Variants in UVRAG observed in about 807,000 individuals in gnomAD.
UVRAG encodes UV radiation resistance associated.
UVRAG carries 19 observed loss-of-function variants against 78.0 expected under a neutral mutation model. The ratio of observed to expected loss-of-function variants is 0.24; its 90% CI spans 0.17 to 0.36. The LOEUF is 0.36. Among genes scored for constraint, UVRAG ranks in the 10% least tolerant of loss-of-function variants. UVRAG has a pLI of 1.00. For missense variants in UVRAG, 740 were observed against 853.8 expected (o/e 0.87, Z 1.66); for synonymous variants, 323 against 324.6 (o/e 1.00, Z 0.05).
chr11:76,048,964 A>C (rs1950813129), intron 12 of UVRAG, among the ~76,000 whole-genome samples: 2 of 152,272 alleles, frequency 1.3e-5, no homozygotes, highest in African/African-American at 4.8e-5. Flanking sequence ...CGAGGTAAAC[A>C]GCCCACATGA....
At chr11:75,823,621 G>A (rs909139923) in intron 1 of UVRAG, among the ~76,000 whole-genome samples, 3 of 152,180 alleles carry the variant, frequency 2.0e-5, no homozygotes, top group South Asian at 2.1e-4. Flanking sequence ...AGGCATGAGC[G>A]ACTGCACTGG....
At chr11:75,984,698 C>T (rs1017025066) in intron 8 of UVRAG, among the ~76,000 whole-genome samples, 1 of 152,178 alleles carries the variant, frequency 6.6e-6, no homozygotes, top group Non-Finnish European at 1.5e-5. Context: ...AAGACTCAAA[C>T]CGGATTGGTT....
chr11:75,980,652 T>G (rs1024119107), intron 7 of UVRAG, among the ~76,000 whole-genome samples: 2 of 152,070 alleles, frequency 1.3e-5, no homozygotes, highest in African/African-American at 4.8e-5. Context: ...TTTTGCCTTT[T>G]CTCTTTTTTC....
intron 6 of UVRAG, among the ~76,000 whole-genome samples, chr11:75,946,193 C>T (rs1422193390): frequency 1.3e-5 from 2 of 152,062 alleles, no homozygotes; most frequent in African/African-American, 4.8e-5. Flanking sequence ...AATGTTTTTT[C>T]TCTTAACACT....
At chr11:75,972,736 C>G (rs1949149854) in intron 7 of UVRAG, among the ~76,000 whole-genome samples, 1 of 152,176 alleles carries the variant, frequency 6.6e-6, no homozygotes, top group African/African-American at 2.4e-5. Context: ...GTTGTATATT[C>G]TGGGTCTTTT....
At chr11:75,854,535 G>C (rs982418015) in intron 2 of UVRAG, among the ~76,000 whole-genome samples, 5 of 152,082 alleles carry the variant, frequency 3.3e-5, no homozygotes, top group Non-Finnish European at 5.9e-5. Flanking sequence ...TCCTGCCTCA[G>C]CCTCCCAAGA....
intron 13 of UVRAG, among the ~76,000 whole-genome samples, chr11:76,104,055 G>A (rs922354999): frequency 2.0e-5 from 3 of 152,018 alleles, no homozygotes; most frequent in Admixed American, 6.6e-5. Flanking sequence ...TATTTAGACT[G>A]TGCGCTGCAG....
At position 76,127,420 on chromosome 11, in the gene UVRAG, G is replaced by A. The variant is rs529449215; in HGVS notation, c.1397+11405G>A. ...TGTAATCCCAGCACTTTGGGAGGCC[G>A]AGGTGGGTGGATCACCTGAGGTCAG... On this transcript the variant is annotated intron_variant, in intron 14 of 14. Transcript: ENST00000356136. Among the ~76,000 whole-genome samples the A allele has an allele frequency of 1.8e-3, 268 of 151,502 alleles. 2 individuals carry two copies. Among genetic ancestry groups the A allele is most frequent in the Middle Eastern group, 6.8e-3 (2 of 294 alleles).
At chr11:75,822,667 T>G (rs1429624356) in intron 1 of UVRAG, among the ~76,000 whole-genome samples, 2 of 149,560 alleles carry the variant, frequency 1.3e-5, no homozygotes, top group Non-Finnish European at 2.9e-5. Context: ...CTTACTGTTT[T>G]TTTTTTTTTT....
intron 12 of UVRAG, among the ~76,000 whole-genome samples, chr11:76,024,499 T>C (rs546629823): frequency 1.6e-3 from 248 of 152,336 alleles, no homozygotes; most frequent in South Asian, 2.5e-3. Context: ...TTGATTTTGA[T>C]ATATACATTT....
At position 76,141,123 on chromosome 11, in the gene UVRAG, G is replaced by A. The variant is rs372890913; in HGVS notation, c.1810G>A (p.Glu604Lys). 1.1e-5 allele frequency: 17 copies of A among 1,614,024 alleles called. No homozygotes were observed. Among genetic ancestry groups the A allele is most frequent in the African/African-American group, 4.0e-5 (3 of 74,934 alleles). Residue 604 changes from glutamate to lysine, a missense_variant, in exon 15 of 15, where the codon GAG becomes AAG. Coordinates refer to ENST00000356136, the MANE Select transcript of UVRAG (RefSeq NM_003369.4). ...AGTCAATGGCACTCTCCTACCCAGC[G>A]AGCAGGCCGGGTCCGCCAGTGTCCA... is the stretch of plus-strand genomic sequence containing the variant. ...ATVNGTLLPS[E>K]QAGSASVQLP...
At chr11:75,965,612 G>A (rs1304148525) in intron 7 of UVRAG, among the ~76,000 whole-genome samples, 1 of 152,228 alleles carries the variant, frequency 6.6e-6, no homozygotes, top group Non-Finnish European at 1.5e-5. Context: ...ACCGCGCCCG[G>A]CAGATGTTGG....
intron 13 of UVRAG, among the ~76,000 whole-genome samples, chr11:76,093,004 A>C (rs1951730144): frequency 6.6e-6 from 1 of 152,164 alleles, no homozygotes; most frequent in African/African-American, 2.4e-5. Context: ...TCTTGAATTA[A>C]TTTTTGTATA....
chr11:75,878,853 AAGAGAG>A (rs372988334), intron 3 of UVRAG, among the ~76,000 whole-genome samples: 1 of 140,272 alleles, frequency 7.1e-6, no homozygotes, highest in Non-Finnish European at 1.5e-5. Context: ...AGACCATGGA[AAGAGAG>A]AGAGAGAGAG....
rs1360807811 is a variant in UVRAG at position 76,064,570 on chromosome 11, GAATA to G, written c.1227-1135_1227-1132del. On this transcript the variant is annotated intron_variant, in intron 12 of 14. Transcript: ENST00000356136. ...AAGCATTTGGTGTTCCTTTAGTAGA[GAATA>G]AATACAGTTCAGGACCTTGCTCAGT... Among the ~76,000 whole-genome samples the G allele has an allele frequency of 8.5e-5, 13 of 152,204 alleles. No homozygotes were observed. The East Asian group carries it at 1.7e-3, about 20-fold the overall frequency.
chr11:76,087,214 G>T (rs1326967998), intron 13 of UVRAG, among the ~76,000 whole-genome samples: 1 of 152,234 alleles, frequency 6.6e-6, no homozygotes, highest in Non-Finnish European at 1.5e-5. Flanking sequence ...AGGAATGCCA[G>T]TGAGAAAGTC....
rs1949716693 is a variant in UVRAG at position 75,996,829 on chromosome 11, A to G, written c.827-7176A>G. On this transcript the variant is annotated intron_variant, in intron 8 of 14. Transcript: ENST00000356136. Reference sequence around the variant, plus strand: ...TCATAAGTCCATGGGCTTTCTAAATACAGTTCACTGCCTTCCATAGAATCT... The same window carrying G: ...TCATAAGTCCATGGGCTTTCTAAATGCAGTTCACTGCCTTCCATAGAATCT... 2.0e-5 allele frequency among the ~76,000 whole-genome samples: 3 copies of G among 152,190 alleles called. No homozygotes were observed. The South Asian group carries it at 6.2e-4, about 31-fold the overall frequency.
chr11:75,857,902 T>C (rs1946329873), intron 2 of UVRAG, among the ~76,000 whole-genome samples: 1 of 152,216 alleles, frequency 6.6e-6, no homozygotes. Flanking sequence ...ATTGTGATTA[T>C]TCTCCTCTGT....
chr11:75,821,598 C>T (rs1945391214), intron 1 of UVRAG, among the ~76,000 whole-genome samples: 1 of 152,172 alleles, frequency 6.6e-6, no homozygotes, highest in Non-Finnish European at 1.5e-5. Flanking sequence ...CCAACCAAAG[C>T]AGTGTTGAGA....
Sources: allele counts gnomAD v4.1 joint callset (sites outside exome capture counted in the v4.1 genomes callset), GRCh38; gene constraint gnomAD v4.1.1; transcripts MANE v1.5; gene names NCBI Gene and HGNC (gene_info 2026-07-23, HGNC 2026-07-21).